The following KCNN2 variants were observed in gnomAD, a reference collection of about 807,000 sequenced individuals.
The protein encoded by KCNN2 is potassium calcium-activated channel subfamily N member 2, also known as small conductance calcium-activated potassium channel protein 2.
KCNN2 carries 24 observed loss-of-function variants against 55.5 expected under a neutral mutation model. The observed-to-expected ratio is 0.43, with a 90% CI of 0.31 to 0.61. The LOEUF (loss-of-function observed/expected upper bound fraction) is 0.61, where lower values mean the gene tolerates loss of function less well. KCNN2 is among the 20% of genes least tolerant of loss of function. The probability of loss-of-function intolerance (pLI) is 0.08; values close to 1 mark genes in which losing one functional copy is unlikely to be tolerated. For missense variants in KCNN2, 754 were observed against 853.6 expected (o/e 0.88, Z 1.45); for synonymous variants, 431 against 336.1 (o/e 1.28, Z -3.09).
At chr5:114,264,797 G>GC (rs1227671861) in intron 2 of KCNN2, among the ~76,000 whole-genome samples, 24 of 152,112 alleles carry the variant, frequency 1.6e-4, no homozygotes, top group African/African-American at 5.8e-4. Context: ...GCCACCAGAG[G>GC]CCCCCATCTT....
chr5:114,371,464 T>G (rs1438411063), intron 2 of KCNN2, among the ~76,000 whole-genome samples: 3 of 151,964 alleles, frequency 2.0e-5, no homozygotes, highest in Non-Finnish European at 4.4e-5. Flanking sequence ...GTCTAAGAGA[T>G]AGGAGTGTTT....
At chr5:114,292,112 T>C (rs1346378012) in intron 2 of KCNN2, among the ~76,000 whole-genome samples, 1 of 152,222 alleles carries the variant, frequency 6.6e-6, no homozygotes, top group Admixed American at 6.5e-5. Context: ...GATGAGTAGA[T>C]TGCAAAAATT....
intron 1 of KCNN2, among the ~76,000 whole-genome samples, chr5:114,171,424 T>C (rs1486798833): frequency 6.6e-6 from 1 of 151,984 alleles, no homozygotes; most frequent in Non-Finnish European, 1.5e-5. Context: ...TAAAACATTT[T>C]AGAAAATCAG....
intron 5 of KCNN2, among the ~76,000 whole-genome samples, chr5:114,480,327 T>G (rs1190571059): frequency 2.0e-5 from 3 of 152,098 alleles, no homozygotes; most frequent in Non-Finnish European, 4.4e-5. Flanking sequence ...ATTGAATTCC[T>G]GAATAGACCA....
chr5:114,399,964 T>C (rs1758737346), intron 2 of KCNN2, among the ~76,000 whole-genome samples: 1 of 147,464 alleles, frequency 6.8e-6, no homozygotes, highest in Admixed American at 6.8e-5. Flanking sequence ...TGGTTGGTGG[T>C]AATGTCCCCT....
intron 5 of KCNN2, among the ~76,000 whole-genome samples, chr5:114,478,614 C>A (rs1178111434): frequency 1.3e-5 from 2 of 151,550 alleles, no homozygotes; most frequent in Non-Finnish European, 2.9e-5. Context: ...TCTCCAAGGT[C>A]AAAATGCAAG....
rs145880953 is a variant in KCNN2 at position 114,399,467 on chromosome 5, T to A, written c.1219-4971T>A. On this transcript the variant is annotated intron_variant, in intron 2 of 7. Coordinates refer to ENST00000673685, the MANE Select transcript of KCNN2 (RefSeq NM_021614.4). ...TAAAGCGTATTTGATTGTGTTAGAT[T>A]AGCTTTTTGATGTGCTGCTGGATTC... 1.6e-3 allele frequency among the ~76,000 whole-genome samples: 251 copies of A among 152,298 alleles called. 3 individuals carry two copies. Among genetic ancestry groups the A allele is most frequent in the African/African-American group, 5.7e-3 (238 of 41,562 alleles).
At chr5:114,235,763 T>A (rs1373281559) in intron 2 of KCNN2, among the ~76,000 whole-genome samples, 1 of 152,220 alleles carries the variant, frequency 6.6e-6, no homozygotes, top group African/African-American at 2.4e-5. Flanking sequence ...TTCCTTACTA[T>A]CTACTTTGAG....
intron 3 of KCNN2, among the ~76,000 whole-genome samples, chr5:114,450,634 T>A (rs918238968): frequency 2.0e-5 from 3 of 152,240 alleles, no homozygotes; most frequent in African/African-American, 7.2e-5. Flanking sequence ...TGTGTTGATA[T>A]GAAGCCAGCT....
chr5:114,386,274 G>C (rs1758283619), intron 2 of KCNN2, among the ~76,000 whole-genome samples: 1 of 151,670 alleles, frequency 6.6e-6, no homozygotes, highest in African/African-American at 2.4e-5. Context: ...TTTTCAAATG[G>C]AATAGTGATT....
intron 1 of KCNN2, among the ~76,000 whole-genome samples, chr5:114,150,055 A>G (rs935109928): frequency 6.6e-6 from 1 of 152,158 alleles, no homozygotes; most frequent in Admixed American, 6.5e-5. Flanking sequence ...CCCTGACTGC[A>G]TGTCCGTTCA....
At chr5:114,431,942 C>A (rs941413145) in intron 3 of KCNN2, among the ~76,000 whole-genome samples, 1 of 152,148 alleles carries the variant, frequency 6.6e-6, no homozygotes, top group Non-Finnish European at 1.5e-5. Context: ...TCTGAGAGCA[C>A]ATATTGTATG....
intron 2 of KCNN2, among the ~76,000 whole-genome samples, chr5:114,238,909 A>G (rs4376257): frequency 0.8 from 121,829 of 152,116 alleles, 49,096 homozygotes; most frequent in East Asian, 0.9. Flanking sequence ...ATGTGATTTA[A>G]TTGTATTTTT....
intron 1 of KCNN2, among the ~76,000 whole-genome samples, chr5:114,176,041 A>T (rs910525645): frequency 6.6e-6 from 1 of 152,186 alleles, no homozygotes; most frequent in Non-Finnish European, 1.5e-5. Context: ...TTGTTGCCTG[A>T]TAATTTCTCA....
chr5:114,362,921 C>G lies in KCNN2; in HGVS notation c.782C>G (p.Pro261Arg), dbSNP rs574107960. 5.1e-6 allele frequency: 8 copies of G among 1,572,238 alleles called. No homozygotes were observed. Among genetic ancestry groups the G allele is most frequent in the African/African-American group, 4.2e-5 (3 of 71,492 alleles). Residue 261 changes from proline (P) to arginine (R), a missense_variant, in exon 1 of 8, where the codon CCG (proline) becomes CGG (arginine). This residue lies in a region of KCNN2 where 381 missense variants were observed against 259.1 expected (regional missense o/e 1.47). Coordinates refer to ENST00000673685, the MANE Select transcript of KCNN2 (RefSeq NM_021614.4). Reference protein sequence around the residue: ...SVGGGGGASSPSAAAAAAAAV... With the variant: ...SVGGGGGASSRSAAAAAAAAV... Reference sequence around the variant, plus strand: ...GGAGGAGGTGGCGGCGCGTCCTCCCCGTCTGCAGCCGCTGCCGCCGCCGCC... The same window carrying G: ...GGAGGAGGTGGCGGCGCGTCCTCCCGGTCTGCAGCCGCTGCCGCCGCCGCC...
chr5:114,468,345 A>G (rs1761552485), intron 4 of KCNN2, among the ~76,000 whole-genome samples: 1 of 152,208 alleles, frequency 6.6e-6, no homozygotes, highest in Admixed American at 6.5e-5. Context: ...TATAGTAAAA[A>G]TGTTTTTATG....
intron 2 of KCNN2, among the ~76,000 whole-genome samples, chr5:114,319,751 A>C (rs1216646798): frequency 1.3e-5 from 2 of 152,238 alleles, no homozygotes; most frequent in Admixed American, 1.3e-4. Flanking sequence ...ATAATGTTTC[A>C]TTATTATGCC....
intron 2 of KCNN2, among the ~76,000 whole-genome samples, chr5:114,293,066 G>C (rs969885521): frequency 1.3e-5 from 2 of 152,152 alleles, no homozygotes; most frequent in Non-Finnish European, 2.9e-5. Context: ...TGCTGAAGTT[G>C]CTTATCAGCT....
At chr5:114,132,074 G>T (rs1249001195) in intron 1 of KCNN2, among the ~76,000 whole-genome samples, 2 of 152,106 alleles carry the variant, frequency 1.3e-5, no homozygotes, top group Non-Finnish European at 2.9e-5. Flanking sequence ...CTCCCATTCT[G>T]TAGTTTGTCT....
Sources: gnomAD v4.1 joint callset for allele counts (sites outside exome capture counted in the v4.1 genomes callset) on GRCh38, gnomAD v4.1.1 for gene constraint, gnomAD v4.1.1 regional missense constraint, MANE v1.5 for transcripts, NCBI Gene and HGNC (gene_info 2026-07-23, HGNC 2026-07-21) for gene names.